The following ABCA7 variants were observed in gnomAD, a reference collection of about 807,000 sequenced individuals.
ABCA7 encodes phospholipid-transporting ATPase ABCA7.
A neutral mutation model predicts 227.6 loss-of-function variants in ABCA7; 261 were observed. That is an observed-to-expected ratio of 1.15 (90% CI 1.04 to 1.27). ABCA7 has a LOEUF of 1.27. Ranked by LOEUF, ABCA7 falls within the 50% of genes most tolerant of loss-of-function variation. The probability of loss-of-function intolerance (pLI) is 0.00; values close to 1 mark genes in which losing one functional copy is unlikely to be tolerated. For synonymous variants in ABCA7, 1,488 were observed against 1,279.7 expected (o/e 1.16, Z -3.47); for missense variants, 3,331 against 2,924.5 (o/e 1.14, Z -3.21).
intron 29 of ABCA7, 79 bp from the exon 30 acceptor site, chr19:1,055,018 A>G (rs1599678104): frequency 2.6e-6 from 4 of 1,533,032 alleles, no homozygotes; most frequent in Non-Finnish European, 2.6e-6. Flanking sequence ...GGCTCCAGGA[A>G]CCCCCAGAAG....
In ABCA7 at chr19:1,058,190, C is replaced by A. The variant is rs562639846; in HGVS notation, c.5070C>A (p.Ile1690=). 3.9e-5 allele frequency: 63 copies of A among 1,613,744 alleles called. No individual in the cohort carries two copies. In the East Asian group the frequency reaches 1.4e-3, roughly 35 times the overall value. ...GGATCTTGAAACAGGTCTTCCTTAT[C>A]TTCCCCCACTTCTGCTTGGGCCGGG... ...VSRILKQVFL[I]FPHFCLGRGL... Residue 1690 remains isoleucine (I), a synonymous_variant, in exon 37 of 47, where the codon ATC becomes ATA. Transcript: ENST00000263094.
chr19:1,049,371 T>G lies in ABCA7; in HGVS notation c.2486T>G (p.Leu829Arg), dbSNP rs753167206. ...CAGCCAGCCCTGCGGGGGCTCAGCC[T>G]GGACTTCTACCAGGGCCACATCACC... is the stretch of plus-strand genomic sequence containing the variant. ...SPQPALRGLS[L>R]DFYQGHITAF... is the part of the protein sequence containing the mutation. Residue 829 changes from leucine to arginine, a missense_variant, in exon 18 of 47, where the codon CTG becomes CGG. By Grantham distance (102) the Leu-to-Arg change is moderately radical. Coordinates refer to ENST00000263094, the MANE Select transcript of ABCA7 (RefSeq NM_019112.4). 2 of 1,611,348 alleles carry G rather than the reference T, an allele frequency of 1.2e-6. No individual in the cohort carries two copies. The highest frequency in any genetic ancestry group is 1.7e-5 in the Admixed American group (1 of 59,930).
At chr19:1,040,548 T>G (rs777859427) in intron 1 of ABCA7, among the ~76,000 whole-genome samples, 10 of 152,316 alleles carry the variant, frequency 6.6e-5, no homozygotes, top group South Asian at 6.2e-4. Flanking sequence ...GAGGTCCCAG[T>G]TCCGGCCTGG....
In ABCA7 at chr19:1,057,403, T is replaced by C; in HGVS notation, c.4854T>C (p.Ala1618=). The C allele has an allele frequency of 6.2e-7, 1 of 1,613,896 alleles. No individual in the cohort carries two copies. The highest frequency in any genetic ancestry group is 8.5e-7 in the Non-Finnish European group (1 of 1,180,014). The part of the protein sequence containing the change: ...RAYVAPANLP[A]LLLLLLLYGW... ...ATGTGGCCCCTGCCAACCTGCCTGC[T>C]CTCCTGCTGTTGCTACTACTGTATG... The change falls in exon 35 of 47, where the codon GCT becomes GCC. Residue 1618 remains alanine (A), a synonymous_variant. Transcript: ENST00000263094.
chr19:1,044,840 G>C, intron 11 of ABCA7, 96 bp downstream of exon 11: 2 of 1,480,402 alleles, frequency 1.4e-6, no homozygotes, highest in Non-Finnish European at 1.8e-6. Context: ...AGGCGGGCCC[G>C]GCCCTAGTAA....
In ABCA7 at chr19:1,046,332, C is replaced by T. The variant is rs774290795; in HGVS notation, c.1548C>T (p.Arg516=). The T allele has an allele frequency of 1.9e-6, 3 of 1,602,584 alleles. No homozygotes were observed. The highest frequency in any genetic ancestry group is 2.5e-6 in the Non-Finnish European group (3 of 1,178,784). ...ACCTGGTGGAGCGTGCAGCCGTCCG[C>T]GTGCTCAGCGGCGCCAACCCCCGGG... The part of the protein sequence containing the change: ...LQDLVERAAV[R]VLSGANPRAG... The change falls in exon 13 of 47, where the codon CGC becomes CGT. Residue 516 remains arginine, a synonymous_variant. Transcript: ENST00000263094.
In ABCA7 at chr19:1,044,714, C is replaced by T. The variant is rs749509977; in HGVS notation, c.1185C>T (p.His395=). 6.2e-7 allele frequency: 1 copy of T among 1,610,804 alleles called. No individual in the cohort carries two copies. Among genetic ancestry groups the T allele is most frequent in the South Asian group, 1.1e-5 (1 of 90,972 alleles). ...AGGACGCACACGCTGATGTGGGGCA[C>T]CTGGTGGGCACGCTGGGCCGAGTGA... ...SWQDAHADVG[H]LVGTLGRVTE... is the part of the protein sequence containing the mutation. Residue 395 remains histidine (H), a synonymous_variant, in exon 11 of 47, where the codon CAC becomes CAT. Transcript: ENST00000263094.
chr19:1,048,402 AGGAGAAATGCTTGAATCCC>A (rs1459462282), intron 16 of ABCA7, among the ~76,000 whole-genome samples: 1 of 146,396 alleles, frequency 6.8e-6, no homozygotes, highest in East Asian at 2.1e-4. Context: ...AGGCAGAGGC[AGGAGAAATGCTTGAATCCC>A]GGAGGCGGAG....
chr19:1,058,595 G>C, intron 37 of ABCA7, 23 bp from the exon 38 acceptor site: 1 of 1,613,012 alleles, frequency 6.2e-7, no homozygotes, highest in Non-Finnish European at 8.5e-7. Context: ...CATGGACCCA[G>C]TCCCTCCTTT....
chr19:1,059,628 A>T (rs1366388111), intron 40 of ABCA7, among the ~76,000 whole-genome samples: 1 of 145,300 alleles, frequency 6.9e-6, no homozygotes, highest in Non-Finnish European at 1.5e-5. Flanking sequence ...CAGTGGTGAG[A>T]TCTCGGCTCA....
Position 1,058,725 on chromosome 19 carries a change from C to T in ABCA7, c.5257C>T (p.His1753Tyr). ...LFLLFTLLLQ[H>Y]RSQLLPQPRV... ...CCTTCTCTTCACACTACTGCTGCAG[C>T]ACCGAAGCCAACTCCTGCCACAGTT... Residue 1753 changes from histidine (H) to tyrosine (Y), a missense_variant, in exon 38 of 47, where the codon CAC becomes TAC. Physicochemically the swap from His to Tyr is moderately conservative, Grantham distance 83. Transcript: ENST00000263094. 1 of 1,613,916 alleles carries T rather than the reference C, an allele frequency of 6.2e-7. No individual in the cohort carries two copies. The highest frequency in any genetic ancestry group is 8.5e-7 in the Non-Finnish European group (1 of 1,179,960).
At chr19:1,062,831 G>A (rs2042750571) in intron 42 of ABCA7, among the ~76,000 whole-genome samples, 2 of 150,242 alleles carry the variant, frequency 1.3e-5, no homozygotes, top group South Asian at 4.2e-4. Flanking sequence ...CCACACCATG[G>A]CCCTGCTCCA....
At chr19:1,051,679 T>A in intron 21 of ABCA7, 93 bp downstream of exon 21, 1 of 1,294,544 alleles carries the variant, frequency 7.7e-7, no homozygotes, top group Non-Finnish European at 1.1e-6. Flanking sequence ...AGGAGTTTGC[T>A]ACATGTGGAC....
At position 1,056,442 on chromosome 19, in the gene ABCA7, T is replaced by C; in HGVS notation, c.4529T>C (p.Ile1510Thr). Residue 1510 changes from isoleucine (I) to threonine (T), a missense_variant, in exon 33 of 47, where the codon ATC becomes ACC. By Grantham distance (89) the Ile-to-Thr change is moderately conservative. Coordinates refer to ENST00000263094, the MANE Select transcript of ABCA7 (RefSeq NM_019112.4). The surrounding 1 kb of genome is among the most constrained non-coding windows in gnomAD (Gnocchi z 4.3). ...PPGPARHAHS[I>T]TTLNHPLNLT... is the part of the protein sequence containing the mutation. ...GGCCCGGCCCGCCACGCCCACAGCATCACCACACTCAACCACCCCTTGAAC... is the reference window on the plus strand; with the variant it reads ...GGCCCGGCCCGCCACGCCCACAGCACCACCACACTCAACCACCCCTTGAAC... 3 of 1,613,588 alleles carry C rather than the reference T, an allele frequency of 1.9e-6. No homozygotes were observed. Among genetic ancestry groups the C allele is most frequent in the Non-Finnish European group, 2.5e-6 (3 of 1,179,998 alleles).
intron 39 of ABCA7, 26 bp downstream of exon 39, chr19:1,058,966 G>C: frequency 6.2e-7 from 1 of 1,612,204 alleles, no homozygotes; most frequent in Non-Finnish European, 8.5e-7. Flanking sequence ...TCGACTGCTG[G>C]GTGGGGGGTG....
rs554039972 is a variant in ABCA7 at position 1,065,458 on chromosome 19, C to A, written c.*33C>A. ...TCCCCTGCGGGGCCGCGGGGAGGCC[C>A]TGGGAATGGCAAGGGCAAGGTAGAG... On this transcript the variant is annotated 3_prime_UTR_variant, in exon 47 of 47. Transcript: ENST00000263094. 30 of 1,610,062 alleles carry A rather than the reference C, an allele frequency of 1.9e-5. No individual in the cohort carries two copies. In the South Asian group the frequency reaches 3.2e-4, roughly 17 times the overall value.
chr19:1,059,060 T>C lies in ABCA7; in HGVS notation c.5438T>C (p.Leu1813Ser), dbSNP rs200308069. ...CAGAGGATGCCAGCTGTTGACCGCT[T>C]GTGCCTGGGGATTCCCCCTGGTGAG... Reference protein sequence around the residue: ...RGQRMPAVDRLCLGIPPGECF... With the variant: ...RGQRMPAVDRSCLGIPPGECF... Residue 1813 changes from leucine (L) to serine (S), a missense_variant, in exon 40 of 47, where the codon TTG becomes TCG. Transcript: ENST00000263094. 6.2e-7 allele frequency: 1 copy of C among 1,613,536 alleles called. No homozygotes were observed. The highest frequency in any genetic ancestry group is 8.5e-7 in the Non-Finnish European group (1 of 1,179,958).
chr19:1,061,423 G>A (rs2042648331), intron 40 of ABCA7, among the ~76,000 whole-genome samples: 1 of 145,410 alleles, frequency 6.9e-6, no homozygotes, highest in Admixed American at 6.7e-5. Flanking sequence ...GAGGCTGGGT[G>A]CCGTGGCTCA....
chr19:1,064,694 A>T (rs1159825368), intron 45 of ABCA7: 4 of 639,282 alleles, frequency 6.3e-6, no homozygotes, highest in Non-Finnish European at 9.9e-6. Context: ...CAACCTGGGC[A>T]ACCTAGGGAG....
Sources: gnomAD v4.1 joint callset for allele counts (sites outside exome capture counted in the v4.1 genomes callset) on GRCh38, gnomAD v4.1.1 for gene constraint, Gnocchi (gnomAD v3.1) non-coding constraint, MANE v1.5 for transcripts, NCBI Gene and HGNC (gene_info 2026-07-23, HGNC 2026-07-21) for gene names.